The following POTEH variants were observed in gnomAD, a reference collection of about 807,000 sequenced individuals.
The protein encoded by POTEH is POTE ankyrin domain family member H.
POTEH carries 6 observed loss-of-function variants against 41.7 expected under a neutral mutation model. The observed-to-expected ratio is 0.14, with a 90% CI of 0.08 to 0.28. The LOEUF (loss-of-function observed/expected upper bound fraction) is 0.28. POTEH is among the 10% of genes least tolerant of loss of function. POTEH has a pLI of 1.00. For synonymous variants in POTEH, 38 were observed against 179.9 expected (o/e 0.21, Z 6.31); for missense variants, 115 against 533.5 (o/e 0.22, Z 7.73).
chr22:15,714,218 G>A (rs1989883378), intron 9 of POTEH, among the ~76,000 whole-genome samples: 1 of 151,390 alleles, frequency 6.6e-6, no homozygotes, highest in Admixed American at 6.6e-5. Context: ...ACCATCATCT[G>A]CCATCTAGAT....
intron 1 of POTEH, among the ~76,000 whole-genome samples, chr22:15,691,978 G>A (rs1428570381): frequency 2.8e-4 from 30 of 108,500 alleles, no homozygotes; most frequent in African/African-American, 8.9e-4. Context: ...ATTTACATAT[G>A]CAGATACATA....
chr22:15,712,795 A>G (rs1328632650), intron 9 of POTEH, among the ~76,000 whole-genome samples: 1 of 136,450 alleles, frequency 7.3e-6, no homozygotes, highest in East Asian at 2.4e-4. Flanking sequence ...ATGAGTGTCA[A>G]CTGTCCTAGA....
At chr22:15,716,712 A>AC (rs1397704175) in intron 9 of POTEH, among the ~76,000 whole-genome samples, 3 of 20,352 alleles carry the variant, frequency 1.5e-4, no homozygotes, top group Admixed American at 5.7e-4. Context: ...AAATAAGGAT[A>AC]CCCCCCCACA....
At chr22:15,693,004 T>A (rs1369565749) in intron 1 of POTEH, among the ~76,000 whole-genome samples, 1 of 125,708 alleles carries the variant, frequency 8.0e-6, no homozygotes, top group Non-Finnish European at 1.8e-5. Flanking sequence ...AAAGCCCATA[T>A]AAAGATTTCA....
At chr22:15,696,082 A>G (rs1989425867) in intron 3 of POTEH, among the ~76,000 whole-genome samples, 1 of 65,346 alleles carries the variant, frequency 1.5e-5, no homozygotes, top group African/African-American at 5.7e-5. Flanking sequence ...AATACTTACT[A>G]TTTTTCAGTT....
At chr22:15,712,744 G>T (rs1989846980) in intron 9 of POTEH, among the ~76,000 whole-genome samples, 1 of 103,998 alleles carries the variant, frequency 9.6e-6, no homozygotes, top group African/African-American at 3.9e-5. Flanking sequence ...CCTGTTAATA[G>T]AACTCAGTAT....
chr22:15,703,625 T>G (rs1303942538), intron 6 of POTEH, among the ~76,000 whole-genome samples: 1 of 147,992 alleles, frequency 6.8e-6, no homozygotes, highest in Non-Finnish European at 1.5e-5. Context: ...CAGATTATCA[T>G]AAAAGTAGAA....
intron 9 of POTEH, among the ~76,000 whole-genome samples, chr22:15,717,580 C>T (rs1281714228): frequency 1.8e-5 from 2 of 111,488 alleles, no homozygotes; most frequent in Non-Finnish European, 4.0e-5. Context: ...TGCTTGTTTA[C>T]CGTTTGTACA....
chr22:15,713,503 CATTTTT>C (rs1286143167), intron 9 of POTEH, among the ~76,000 whole-genome samples: 1 of 149,646 alleles, frequency 6.7e-6, no homozygotes, highest in African/African-American at 2.5e-5. Flanking sequence ...TTTCTCATGA[CATTTTT>C]TTTTTTTTAA....
At chr22:15,692,004 A>AAC (rs1569283698) in intron 1 of POTEH, among the ~76,000 whole-genome samples, 2 of 127,640 alleles carry the variant, frequency 1.6e-5, no homozygotes, top group African/African-American at 5.6e-5. Context: ...ATATATATAT[A>AAC]TATAAATTTC....
At chr22:15,691,107 CCAGTATGGATTTTATAT>C (rs1989297185) in intron 1 of POTEH, among the ~76,000 whole-genome samples, 2 of 143,864 alleles carry the variant, frequency 1.4e-5, no homozygotes, top group Admixed American at 7.2e-5. Context: ...CAAATAAAAT[CCAGTATGGATTTTATAT>C]CAATGTACAC....
chr22:15,708,730 T>C (rs1444792127), intron 7 of POTEH, among the ~76,000 whole-genome samples: 1 of 73,036 alleles, frequency 1.4e-5, no homozygotes, highest in African/African-American at 6.4e-5. Flanking sequence ...CCTTTTGGAA[T>C]AGAGGCAAAA....
rs538563705 is a variant in POTEH, at chr22:15,690,969, C to T, written c.632+260C>T. 1.8e-4 allele frequency among the ~76,000 whole-genome samples: 23 copies of T among 130,374 alleles called. 2 individuals carry two copies. Among genetic ancestry groups the T allele is most frequent in the East Asian group, 1.0e-3 (5 of 4,942 alleles). 85.5% of individuals were successfully genotyped at this position (130,374 alleles called of 152,430 possible). ...TGTTTTGAAGTGATTTAACTCGCAACGTTGTCGATGCAGCAGATTATTTTT... is the reference window on the plus strand; with the variant it reads ...TGTTTTGAAGTGATTTAACTCGCAATGTTGTCGATGCAGCAGATTATTTTT... On this transcript the variant is annotated intron_variant, in intron 1 of 10. Coordinates refer to ENST00000343518, the MANE Select transcript of POTEH (RefSeq NM_001136213.1).
chr22:15,690,395 C>T lies in POTEH; in HGVS notation c.318C>T (p.Phe106=). Residue 106 remains phenylalanine, a synonymous_variant, in exon 1 of 11, where the codon TTC becomes TTT. Coordinates refer to ENST00000343518, the MANE Select transcript of POTEH (RefSeq NM_001136213.1). ...SKMGKWCCHC[F]PCCRGSGKSN... is the part of the protein sequence containing the mutation. ...TGGGCAAGTGGTGCTGCCACTGCTT[C>T]CCCTGCTGCAGGGGGAGCGGCAAGA... 7.2e-7 allele frequency: 1 copy of T among 1,382,636 alleles called. No homozygotes were observed. The highest frequency in any genetic ancestry group is 1.0e-6 in the Non-Finnish European group (1 of 1,004,014). 85.6% of individuals were successfully genotyped at this position (1,382,636 alleles called of 1,614,324 possible). A position where few individuals can be genotyped will look rare whatever the true frequency, so the allele number is the denominator to read the frequency against.
At chr22:15,708,513 CAAAAAAA>C (rs1165699401) in intron 7 of POTEH, among the ~76,000 whole-genome samples, 14 of 7,234 alleles carry the variant, frequency 1.9e-3, no homozygotes, top group East Asian at 0.01. Flanking sequence ...GACTCTGTGT[CAAAAAAA>C]AAAAAAAAAA....
Position 15,690,710 on chromosome 22 carries a change from G to T in POTEH, c.632+1G>T. Reference sequence around the variant, plus strand: ...TGAACAAGAAGGACAAGCAAAAGAGGTAACCAGGCCTGGGCTGGGAGGAGG... The same window carrying T: ...TGAACAAGAAGGACAAGCAAAAGAGTTAACCAGGCCTGGGCTGGGAGGAGG... On this transcript the variant is annotated splice_donor_variant, in intron 1 of 10. Coordinates refer to ENST00000343518, the MANE Select transcript of POTEH (RefSeq NM_001136213.1). LOFTEE classifies it high-confidence loss of function. The T allele has an allele frequency of 7.1e-7, 1 of 1,407,698 alleles. No homozygotes were observed. The highest frequency in any genetic ancestry group is 1.2e-5 in the South Asian group (1 of 85,996). 87.2% of individuals were successfully genotyped at this position (1,407,698 alleles called of 1,614,324 possible).
intron 9 of POTEH, among the ~76,000 whole-genome samples, chr22:15,713,692 G>A (rs1601503667): frequency 6.6e-6 from 1 of 152,302 alleles, no homozygotes; most frequent in Non-Finnish European, 1.5e-5. Context: ...TAGTGACAGG[G>A]TTTCCCCATG....
chr22:15,710,658 CTT>C (rs1355729236), intron 8 of POTEH, among the ~76,000 whole-genome samples: 3 of 152,024 alleles, frequency 2.0e-5, no homozygotes, highest in Non-Finnish European at 1.5e-5. Flanking sequence ...ATGAAGCAAA[CTT>C]TACAAAAATT....
chr22:15,690,149 G>A lies in POTEH; in HGVS notation c.72G>A (p.Met24Ile). 7.2e-7 allele frequency: 1 copy of A among 1,396,652 alleles called. No individual in the cohort carries two copies. Among genetic ancestry groups the A allele is most frequent in the Non-Finnish European group, 9.9e-7 (1 of 1,006,406 alleles). 86.5% of individuals were successfully genotyped at this position (1,396,652 alleles called of 1,614,324 possible). The change falls in exon 1 of 11, where the codon ATG (methionine) becomes ATA (isoleucine). Residue 24 changes from methionine (M) to isoleucine (I), a missense_variant. Transcript: ENST00000343518. ...VKKPFGLRSKMGKWCRHCFAW... is the reference protein window; with the variant it reads ...VKKPFGLRSKIGKWCRHCFAW... ...AGCCATTTGGTCTCAGAAGCAAGAT[G>A]GGCAAGTGGTGCCGCCACTGCTTCG...
Sources: gnomAD v4.1 joint callset for allele counts (sites outside exome capture counted in the v4.1 genomes callset) on GRCh38, gnomAD v4.1.1 for gene constraint, MANE v1.5 for transcripts, NCBI Gene and HGNC (gene_info 2026-07-23, HGNC 2026-07-21) for gene names.